The following LCA5 variants were observed in gnomAD, a reference collection of about 807,000 sequenced individuals.
LCA5 encodes the protein lebercilin LCA5.
LCA5 carries 37 observed loss-of-function variants against 53.0 expected under a neutral mutation model. The ratio of observed to expected loss-of-function variants is 0.70; its 90% CI spans 0.54 to 0.92. The LOEUF is 0.92. Among genes scored for constraint, LCA5 ranks in the 40% least tolerant of loss-of-function variants. The pLI is 0.00. For synonymous variants in LCA5, 303 were observed against 282.9 expected (o/e 1.07, Z -0.71); for missense variants, 806 against 790.5 (o/e 1.02, Z -0.23).
At chr6:79,519,778 ATAAC>A (rs1254634219) in intron 1 of LCA5, among the ~76,000 whole-genome samples, 2 of 151,940 alleles carry the variant, frequency 1.3e-5, no homozygotes, top group African/African-American at 4.8e-5. Context: ...CAAAAAATGT[ATAAC>A]TAAAGTACAT....
At chr6:79,533,087 AT>A (rs1405324283) in intron 1 of LCA5, among the ~76,000 whole-genome samples, 1 of 152,134 alleles carries the variant, frequency 6.6e-6, no homozygotes, top group Non-Finnish European at 1.5e-5. Context: ...AAGCTGAAAT[AT>A]TTTTTTCTAG....
Position 79,486,918 on chromosome 6 carries a change from G to A in LCA5, c.*86C>T. On this transcript the variant is annotated 3_prime_UTR_variant, in exon 8 of 8. Transcript: ENST00000369846. Reference sequence around the variant, plus strand: ...ATCATTCCTTAATAAGGACATTTTAGCATTAAAAAGTCTAAATGTTTATAA... The same window carrying A: ...ATCATTCCTTAATAAGGACATTTTAACATTAAAAAGTCTAAATGTTTATAA... 9.1e-7 allele frequency: 1 copy of A among 1,095,742 alleles called. No individual in the cohort carries two copies. The highest frequency in any genetic ancestry group is 1.3e-6 in the Non-Finnish European group (1 of 772,052). The allele number at this position is 1,095,742 out of a possible 1,614,324, so 67.9% of individuals were successfully genotyped here.
chr6:79,493,628 T>C lies in LCA5; in HGVS notation c.843A>G (p.Leu281=), dbSNP rs201652571. 8 of 1,613,402 alleles carry C rather than the reference T, an allele frequency of 5.0e-6. No homozygotes were observed. Among genetic ancestry groups the C allele is most frequent in the East Asian group, 2.2e-5 (1 of 44,826 alleles). Residue 281 remains leucine, a synonymous_variant, in exon 4 of 8, where the codon CTA becomes CTG. Coordinates refer to ENST00000369846, the MANE Select transcript of LCA5 (RefSeq NM_001122769.3). The part of the protein sequence containing the change: ...NKVLQKEVQR[L]YHKLKEKERE... The stretch of plus-strand genomic sequence containing the variant: ...AAATACTTACCTTTAATTTGTGATA[T>C]AGTCGCTGTACCTCCTTTTGAAGAA...
In LCA5 at chr6:79,534,130, T is replaced by C. The variant is rs151232670; in HGVS notation, c.-192+3035A>G. ...AAGTGTTCCACTTCTTCTAATAACA[T>C]GTCCCCACGTATTTATAAGCATTTT... On this transcript the variant is annotated intron_variant, in intron 1 of 7. Coordinates refer to ENST00000369846, the MANE Select transcript of LCA5 (RefSeq NM_001122769.3). 1.4e-3 allele frequency among the ~76,000 whole-genome samples: 212 copies of C among 150,098 alleles called. 6 individuals are homozygous for C. The highest frequency in any genetic ancestry group is 5.0e-3 in the African/African-American group (204 of 41,182).
At chr6:79,537,797 C>G (rs1767201489), upstream of LCA5, among the ~76,000 whole-genome samples, 1 of 152,176 alleles carries the variant, frequency 6.6e-6, no homozygotes, top group Non-Finnish European at 1.5e-5. Flanking sequence ...TGGGAAATAA[C>G]TTGCTTTTAA....
At chr6:79,535,723 G>T (rs1562116998) in intron 1 of LCA5, among the ~76,000 whole-genome samples, 1 of 152,072 alleles carries the variant, frequency 6.6e-6, no homozygotes, top group Non-Finnish European at 1.5e-5. Flanking sequence ...TTCCAGATCA[G>T]AAATAAAAAA....
chr6:79,524,914 C>A (rs1469901676), intron 1 of LCA5, among the ~76,000 whole-genome samples: 1 of 151,288 alleles, frequency 6.6e-6, no homozygotes, highest in Non-Finnish European at 1.5e-5. Context: ...TTTTCATTTT[C>A]TTTTTGAAAT....
At chr6:79,535,841 T>C (rs1358396704) in intron 1 of LCA5, among the ~76,000 whole-genome samples, 1 of 152,054 alleles carries the variant, frequency 6.6e-6, no homozygotes, top group Non-Finnish European at 1.5e-5. Context: ...GACTGGATTA[T>C]TGGGAAAAAC....
intron 1 of LCA5, among the ~76,000 whole-genome samples, chr6:79,527,242 T>G (rs1766818128): frequency 6.6e-6 from 1 of 152,034 alleles, no homozygotes; most frequent in South Asian, 2.1e-4. Context: ...CAGTAAAAAG[T>G]GCCTGGGTCA....
intron 2 of LCA5, among the ~76,000 whole-genome samples, chr6:79,518,144 C>T (rs1386240718): frequency 1.3e-5 from 2 of 152,122 alleles, no homozygotes; most frequent in African/African-American, 4.8e-5. Context: ...ATTCTAGTAA[C>T]ATTTTAATAA....
At position 79,487,643 on chromosome 6, in the gene LCA5, T is replaced by C; in HGVS notation, c.1455A>G (p.Lys485=). 1 of 1,614,004 alleles carries C rather than the reference T, an allele frequency of 6.2e-7. No individual in the cohort carries two copies. Among genetic ancestry groups the C allele is most frequent in the Non-Finnish European group, 8.5e-7 (1 of 1,179,908 alleles). The change falls in exon 8 of 8, where the codon AAA becomes AAG. Residue 485 remains lysine (K), a synonymous_variant. Transcript: ENST00000369846. The part of the protein sequence containing the change: ...DRELQDSRNL[K]YPVLPLLPDF... ...CAGGTAACAATGGCAAAACAGGGTA[T>C]TTTAGATTTCGAGAATCTTGGAGTT...
In LCA5 at chr6:79,487,308, C is replaced by T. The variant is rs754926913; in HGVS notation, c.1790G>A (p.Arg597Lys). 2.5e-6 allele frequency: 4 copies of T among 1,613,888 alleles called. No homozygotes were observed. The highest frequency in any genetic ancestry group is 1.3e-5 in the African/African-American group (1 of 75,016). Residue 597 changes from arginine to lysine, a missense_variant, in exon 8 of 8, where the codon AGA becomes AAA. Coordinates refer to ENST00000369846, the MANE Select transcript of LCA5 (RefSeq NM_001122769.3). ...LSKDGVDLITRKEKKANLMEQ... is the reference protein window; with the variant it reads ...LSKDGVDLITKKEKKANLMEQ... The stretch of plus-strand genomic sequence containing the variant: ...CATCAAATTAGCTTTTTTCTCTTTT[C>T]TTGTAATTAAATCTACACCATCTTT...
At chr6:79,494,511 A>G (rs1442965982) in intron 3 of LCA5, among the ~76,000 whole-genome samples, 1 of 151,978 alleles carries the variant, frequency 6.6e-6, no homozygotes, top group African/African-American at 2.4e-5. Context: ...AGATAGATAG[A>G]TAACAAATAT....
chr6:79,532,338 G>A (rs567023013), intron 1 of LCA5, among the ~76,000 whole-genome samples: 22 of 152,146 alleles, frequency 1.4e-4, no homozygotes, highest in South Asian at 4.1e-4. Flanking sequence ...CTTGCTTCAC[G>A]TCAGTTTTTC....
chr6:79,514,693 G>C (rs1335596610), intron 2 of LCA5, among the ~76,000 whole-genome samples: 2 of 152,166 alleles, frequency 1.3e-5, no homozygotes, highest in African/African-American at 2.4e-5. Context: ...AAGAAAGAAT[G>C]AGATCATGTT....
chr6:79,529,915 T>A lies in LCA5; in HGVS notation c.-192+7250A>T, dbSNP rs528987943. ...GGCGGGAACTGAACAATGAGAACAC[T>A]TGGACACAGGAAGGGGAACATCACA... On this transcript the variant is annotated intron_variant, in intron 1 of 7. Transcript: ENST00000369846. Among the ~76,000 whole-genome samples the A allele has an allele frequency of 2.0e-3, 258 of 131,430 alleles. 2 individuals are homozygous for A. The highest frequency in any genetic ancestry group is 7.2e-3 in the African/African-American group (245 of 34,076). 86.2% of individuals were successfully genotyped at this position (131,430 alleles called of 152,430 possible).
In LCA5 at chr6:79,486,738, A is replaced by T; in HGVS notation, c.*266T>A. On this transcript the variant is annotated 3_prime_UTR_variant, in exon 8 of 8. Transcript: ENST00000369846. ...CCTCCAGTGCAGTTAAACTTGCCAT[A>T]GCACTGGATGAAGAGTTAAAATCTA... The T allele has an allele frequency of 2.9e-6, 1 of 347,904 alleles. No individual in the cohort carries two copies. The highest frequency in any genetic ancestry group is 2.1e-5 in the African/African-American group (1 of 46,706). The allele number at this position is 347,904 out of a possible 1,614,324, so 21.6% of individuals were successfully genotyped here. A position where few individuals can be genotyped will look rare whatever the true frequency, so the allele number is the denominator to read the frequency against.
intron 3 of LCA5, among the ~76,000 whole-genome samples, chr6:79,508,544 T>G: frequency 8.0e-6 from 1 of 125,224 alleles, no homozygotes; most frequent in Non-Finnish European, 1.6e-5. Flanking sequence ...AATCCTAGAA[T>G]GGGACAAGCT....
intron 1 of LCA5, chr6:79,525,326 TCG>T (rs1293287788): frequency 5.3e-5 from 8 of 152,190 alleles, no homozygotes; most frequent in Admixed American, 5.2e-4. Context: ...GGAAATCCCC[TCG>T]TTTTAGCAGA....
Sources: allele counts gnomAD v4.1 joint callset (sites outside exome capture counted in the v4.1 genomes callset), GRCh38; gene constraint gnomAD v4.1.1; transcripts MANE v1.5; gene names NCBI Gene and HGNC (gene_info 2026-07-23, HGNC 2026-07-21).